The following AK5 variants were observed in gnomAD, a reference collection of about 807,000 sequenced individuals.
AK5 encodes the protein adenylate kinase 5.
Under a neutral mutation model 69.5 loss-of-function variants are expected in AK5, and 27 were observed. That is an observed-to-expected ratio of 0.39 (90% confidence interval 0.29 to 0.54). AK5 has a LOEUF of 0.54. Among genes scored for constraint, AK5 ranks in the 20% least tolerant of loss-of-function variants. The pLI, the probability that AK5 is intolerant of heterozygous loss-of-function variation, is 0.71. For missense variants in AK5, 531 were observed against 700.4 expected, an observed-to-expected ratio of 0.76 and a Z score of 2.73; for synonymous variants, 260 against 244.4, an observed-to-expected ratio of 1.06 and a Z score of -0.60.
chr1:77,381,374 A>G (rs904617023), intron 6 of AK5, among the ~76,000 whole-genome samples: 1 of 152,144 alleles, frequency 6.6e-6, no homozygotes, highest in Non-Finnish European at 1.5e-5. Flanking sequence ...AACGGACCTA[A>G]TCTATGATAT....
chr1:77,359,797 ATGTCAAACAGC>A (rs1289862359), intron 6 of AK5, among the ~76,000 whole-genome samples: 2 of 152,232 alleles, frequency 1.3e-5, no homozygotes, highest in African/African-American at 4.8e-5. Flanking sequence ...GTTTCACAGT[ATGTCAAACAGC>A]TGTCAAATAC....
intron 13 of AK5, among the ~76,000 whole-genome samples, chr1:77,553,920 A>G (rs1180284214): frequency 6.6e-6 from 1 of 152,210 alleles, no homozygotes; most frequent in Admixed American, 6.5e-5. Context: ...GAAGGCAGAC[A>G]TCCCAAGGCA....
chr1:77,414,936 G>A (rs899595702), intron 7 of AK5, among the ~76,000 whole-genome samples: 22 of 152,032 alleles, frequency 1.4e-4, no homozygotes, highest in African/African-American at 2.9e-4. Flanking sequence ...GAAAATGAAA[G>A]CCATTCAATC....
chr1:77,503,747 C>A (rs898958316), intron 10 of AK5, among the ~76,000 whole-genome samples: 1 of 151,748 alleles, frequency 6.6e-6, no homozygotes, highest in East Asian at 1.9e-4. Context: ...ACTAAATATA[C>A]CAAAAAAATG....
At chr1:77,438,316 A>AG (rs1652092281) in intron 8 of AK5, among the ~76,000 whole-genome samples, 141 of 144,632 alleles carry the variant, frequency 9.7e-4, no homozygotes, top group East Asian at 1.4e-3. Flanking sequence ...AAAAAAAAAA[A>AG]AAAAAAAACA....
At chr1:77,458,052 T>C (rs1653603698) in intron 8 of AK5, among the ~76,000 whole-genome samples, 2 of 149,010 alleles carry the variant, frequency 1.3e-5, no homozygotes, top group South Asian at 4.2e-4. Flanking sequence ...CAGTGAGATA[T>C]GATTGTGCCA....
chr1:77,504,760 A>G (rs986025689), intron 10 of AK5, among the ~76,000 whole-genome samples: 5 of 152,290 alleles, frequency 3.3e-5, no homozygotes, highest in Non-Finnish European at 5.9e-5. Flanking sequence ...AAGGACTACC[A>G]TAGGCATTTT....
chr1:77,346,295 G>A (rs1661911021), intron 6 of AK5: 1 of 152,148 alleles, frequency 6.6e-6, no homozygotes, highest in African/African-American at 2.4e-5. Context: ...AGTAGGAATA[G>A]TAAAAGTTAA....
intron 6 of AK5, among the ~76,000 whole-genome samples, chr1:77,405,774 C>A (rs988567737): frequency 6.6e-6 from 1 of 152,138 alleles, no homozygotes; most frequent in Admixed American, 6.5e-5. Flanking sequence ...CTCACTCCCT[C>A]CCCCTACCAG....
intron 13 of AK5, among the ~76,000 whole-genome samples, chr1:77,549,284 T>TA (rs753582079): frequency 6.6e-6 from 1 of 152,202 alleles, no homozygotes; most frequent in Non-Finnish European, 1.5e-5. Flanking sequence ...TTCTTTTTTT[T>TA]ATGTTTATTT....
At chr1:77,389,055 G>T (rs976720617) in intron 6 of AK5, among the ~76,000 whole-genome samples, 1 of 152,220 alleles carries the variant, frequency 6.6e-6, no homozygotes. Context: ...GATCAGTGAA[G>T]CTTACAACGT....
At chr1:77,316,000 G>C (rs1300334510) in intron 5 of AK5, among the ~76,000 whole-genome samples, 1 of 152,066 alleles carries the variant, frequency 6.6e-6, no homozygotes, top group Non-Finnish European at 1.5e-5. Context: ...AGTTCATGGT[G>C]GTGCTTTTGT....
intron 13 of AK5, among the ~76,000 whole-genome samples, chr1:77,557,628 A>G (rs1422023238): frequency 1.3e-5 from 2 of 151,996 alleles, no homozygotes; most frequent in African/African-American, 4.8e-5. Flanking sequence ...CTGCGGTCCT[A>G]GTCTTTTGCT....
rs1464429039 is a variant in AK5 at position 77,340,577 on chromosome 1, G to GC, written c.891+10dup. The stretch of plus-strand genomic sequence containing the variant: ...AGGGGCTCATCATGACAGTAAGTTA[G>GC]CTCGACTTTTACAAGTCCAATACAA... On this transcript the variant is annotated intron_variant, in intron 6 of 13. Transcript: ENST00000354567. 6.2e-7 allele frequency: 1 copy of GC among 1,611,294 alleles called. No individual in the cohort carries two copies. The highest frequency in any genetic ancestry group is 2.2e-5 in the East Asian group (1 of 44,806).
rs1553139660 is a variant in AK5, at chr1:77,367,555, T to TATATATATATATATATATATA, written c.891+26987_891+26988insATATATATATATATATATATA. On this transcript the variant is annotated intron_variant, in intron 6 of 13. Transcript: ENST00000354567. The stretch of plus-strand genomic sequence containing the variant: ...TGTTGCCCAGACTCATTTATGTTAT[T>TATATATATATATATATATATA]TTTATATATATATATATATATATAA... Among the ~76,000 whole-genome samples, 5 of 59,316 alleles carry TATATATATATATATATATATA rather than the reference T, an allele frequency of 8.4e-5. 1 individual carries two copies. The highest frequency in any genetic ancestry group is 3.7e-4 in the African/African-American group (4 of 10,852). 38.9% of individuals were successfully genotyped at this position (59,316 alleles called of 152,430 possible).
chr1:77,411,241 G>C (rs1650028333), intron 7 of AK5, among the ~76,000 whole-genome samples, 170 bp downstream of exon 7: 1 of 152,148 alleles, frequency 6.6e-6, no homozygotes, highest in Admixed American at 6.5e-5. Flanking sequence ...GAGAGGAAAG[G>C]CTATAAATCT....
intron 5 of AK5, among the ~76,000 whole-genome samples, chr1:77,332,227 A>G (rs1661126465): frequency 6.6e-6 from 1 of 152,050 alleles, no homozygotes; most frequent in Non-Finnish European, 1.5e-5. Context: ...TTGCAATATT[A>G]TTCGTGCCTT....
intron 6 of AK5, among the ~76,000 whole-genome samples, chr1:77,368,337 T>C (rs1282394279): frequency 7.6e-6 from 1 of 130,732 alleles, no homozygotes; most frequent in Non-Finnish European, 1.6e-5. Context: ...ATGTTATATA[T>C]GTTATATATA....
chr1:77,533,237 TGGGTGCGGTGGCTCAC>T (rs1234985211), intron 12 of AK5, among the ~76,000 whole-genome samples: 24 of 152,054 alleles, frequency 1.6e-4, no homozygotes, highest in African/African-American at 5.1e-4. Flanking sequence ...GACTCTAGGC[TGGGTGCGGTGGCTCAC>T]ACCTGTAATC....
Sources: allele counts gnomAD v4.1 joint callset (sites outside exome capture counted in the v4.1 genomes callset), GRCh38; gene constraint gnomAD v4.1.1; transcripts MANE v1.5; gene names NCBI Gene and HGNC (gene_info 2026-07-23, HGNC 2026-07-21).